The following SOS2 variants were observed in gnomAD, a reference collection of about 807,000 sequenced individuals.
The protein encoded by SOS2 is son of sevenless homolog 2.
A neutral mutation model predicts 148.2 loss-of-function variants in SOS2; 65 were observed. The observed-to-expected ratio is 0.44, with a 90% CI of 0.36 to 0.54. The LOEUF (loss-of-function observed/expected upper bound fraction) is 0.54. SOS2 is among the 20% of genes least tolerant of loss of function. The pLI, the probability that SOS2 is intolerant of heterozygous loss-of-function variation, is 0.00. For synonymous variants in SOS2, 539 were observed against 537.1 expected (o/e 1.00, Z -0.05); for missense variants, 1,341 against 1,590.2 (o/e 0.84, Z 2.67).
rs549503640 is a variant in SOS2 at position 50,189,311 on chromosome 14, C to CAT, written c.511-612_511-611insAT. ...GTATATATGTATACTGTAATACACACACACACACACACATAATAGCAAAAA... is the reference window on the plus strand; with the variant it reads ...GTATATATGTATACTGTAATACACACATACACACACACACATAATAGCAAAAA... On this transcript the variant is annotated intron_variant, in intron 4 of 22. Transcript: ENST00000216373. 5.4e-4 allele frequency among the ~76,000 whole-genome samples: 29 copies of CAT among 53,782 alleles called. 1 individual carries two copies. The East Asian group carries it at 0.014, about 27-fold the overall frequency. 35.3% of individuals were successfully genotyped at this position (53,782 alleles called of 152,430 possible). A position where few individuals can be genotyped will look rare whatever the true frequency, so the allele number is the denominator to read the frequency against.
chr14:50,189,110 CAAATATT>C (rs1468720090), intron 4 of SOS2, among the ~76,000 whole-genome samples: 7 of 148,140 alleles, frequency 4.7e-5, no homozygotes, highest in Non-Finnish European at 7.5e-5. Flanking sequence ...CACGCACACA[CAAATATT>C]ACACAATGAG....
chr14:50,174,757 A>C (rs1282410550), intron 7 of SOS2, among the ~76,000 whole-genome samples: 2 of 152,324 alleles, frequency 1.3e-5, no homozygotes, highest in Non-Finnish European at 2.9e-5. Flanking sequence ...AAATATATAC[A>C]TTAATTTTCT....
chr14:50,184,529 G>A (rs979896131), intron 5 of SOS2, among the ~76,000 whole-genome samples: 1 of 151,954 alleles, frequency 6.6e-6, no homozygotes, highest in Non-Finnish European at 1.5e-5. Context: ...CCTCATGATA[G>A]GGCCAGTCAC....
chr14:50,118,835 C>T lies in SOS2; in HGVS notation c.3508G>A (p.Asp1170Asn), dbSNP rs1237281803. 1.4e-6 allele frequency: 2 copies of T among 1,412,224 alleles called. No homozygotes were observed. The highest frequency in any genetic ancestry group is 3.2e-5 in the African/African-American group (2 of 63,286). 87.5% of individuals were successfully genotyped at this position (1,412,224 alleles called of 1,614,324 possible). A position where few individuals can be genotyped will look rare whatever the true frequency, so the allele number is the denominator to read the frequency against. ...SNSKGNMKSDDDPPAIPPRQP... is the reference protein window; with the variant it reads ...SNSKGNMKSDNDPPAIPPRQP... The stretch of plus-strand genomic sequence containing the variant: ...CTCGGTGGAATAGCAGGAGGATCAT[C>T]ATCAGATTTCATATTTCCCTCAAAA... Residue 1170 changes from aspartate to asparagine, a missense_variant, in exon 23 of 23, where the codon GAT (aspartate) becomes AAT (asparagine). Physicochemically the swap from Asp to Asn is conservative, Grantham distance 23 (BLOSUM62 1). Around this residue, in one of 4 missense-constraint regions of SOS2, gnomAD observed 354 missense variants for 347.7 expected, o/e 1.02. Transcript: ENST00000216373.
chr14:50,128,590 C>A (rs752501038), intron 21 of SOS2, among the ~76,000 whole-genome samples: 3 of 152,128 alleles, frequency 2.0e-5, no homozygotes, highest in Non-Finnish European at 4.4e-5. Context: ...AAGAGGAGAT[C>A]AGTAAACATT....
intron 1 of SOS2, 188 bp downstream of exon 1, chr14:50,231,009 A>G: frequency 1.4e-6 from 1 of 708,674 alleles, no homozygotes; most frequent in Non-Finnish European, 1.9e-6. Context: ...TTCCGGGACC[A>G]GGCAAAAAAA....
chr14:50,145,989 C>G (rs563569148), intron 14 of SOS2, among the ~76,000 whole-genome samples: 1 of 151,738 alleles, frequency 6.6e-6, no homozygotes, highest in African/African-American at 2.4e-5. Context: ...CAAAATTAGC[C>G]GGGCATGGTG....
At chr14:50,176,968 C>T (rs1885540614) in intron 7 of SOS2, among the ~76,000 whole-genome samples, 1 of 152,238 alleles carries the variant, frequency 6.6e-6, no homozygotes, top group South Asian at 2.1e-4. Context: ...CAAGATCGCG[C>T]CACTGCACTC....
chr14:50,219,477 T>C (rs1419252224), intron 1 of SOS2, among the ~76,000 whole-genome samples: 2 of 152,010 alleles, frequency 1.3e-5, no homozygotes, highest in African/African-American at 4.8e-5. Flanking sequence ...GAAAATGCAA[T>C]CGATAATGAC....
intron 4 of SOS2, among the ~76,000 whole-genome samples, chr14:50,192,951 G>C (rs1192151127): frequency 6.6e-6 from 1 of 152,062 alleles, no homozygotes; most frequent in Non-Finnish European, 1.5e-5. Flanking sequence ...TAGATCTGGT[G>C]AACTAAGCTT....
At chr14:50,145,393 T>C in intron 15 of SOS2, 61 bp from the exon 16 acceptor site, 2 of 1,559,582 alleles carry the variant, frequency 1.3e-6, no homozygotes, top group Non-Finnish European at 1.7e-6. Flanking sequence ...GAAAACAAGA[T>C]AATTATGAGT....
At chr14:50,147,910 CAGGAG>C (rs1479236374) in intron 14 of SOS2, among the ~76,000 whole-genome samples, 1 of 150,694 alleles carries the variant, frequency 6.6e-6, no homozygotes, top group African/African-American at 2.4e-5. Flanking sequence ...TGCCTGAGGC[CAGGAG>C]TTCAAGGCCA....
At chr14:50,208,219 C>A (rs950110930) in intron 1 of SOS2, among the ~76,000 whole-genome samples, 7 of 151,634 alleles carry the variant, frequency 4.6e-5, no homozygotes, top group Non-Finnish European at 8.8e-5. Context: ...ATCGCTTGAA[C>A]CCGGGAGGCG....
At chr14:50,202,351 G>C (rs994937691) in intron 2 of SOS2, among the ~76,000 whole-genome samples, 1 of 152,132 alleles carries the variant, frequency 6.6e-6, no homozygotes, top group Non-Finnish European at 1.5e-5. Flanking sequence ...ATTTAGCAGG[G>C]TTTCCTATAT....
chr14:50,192,853 G>A (rs1177375158), intron 4 of SOS2, among the ~76,000 whole-genome samples: 2 of 151,364 alleles, frequency 1.3e-5, no homozygotes, highest in Non-Finnish European at 2.9e-5. Context: ...GAGAGAGTGA[G>A]AGTCTGTCTC....
At chr14:50,215,116 G>A (rs1339795906) in intron 1 of SOS2, among the ~76,000 whole-genome samples, 3 of 151,880 alleles carry the variant, frequency 2.0e-5, no homozygotes, top group South Asian at 2.1e-4. Flanking sequence ...GATTACAGGC[G>A]TGAGCCACCG....
intron 16 of SOS2, 102 bp from the exon 17 acceptor site, chr14:50,140,161 A>C (rs997371512): frequency 5.4e-5 from 33 of 609,674 alleles, no homozygotes; most frequent in Non-Finnish European, 9.2e-5. Flanking sequence ...TATCTGGAAA[A>C]CAATTTTTTT....
intron 18 of SOS2, among the ~76,000 whole-genome samples, chr14:50,136,013 A>G (rs1884067291): frequency 6.6e-6 from 1 of 152,162 alleles, no homozygotes; most frequent in South Asian, 2.1e-4. Context: ...TTTTAGCTTT[A>G]GCAGTAGGCA....
chr14:50,216,087 T>C (rs560370491), intron 1 of SOS2, among the ~76,000 whole-genome samples: 94 of 111,476 alleles, frequency 8.4e-4, no homozygotes, highest in African/African-American at 3.1e-3. Context: ...TATTAAATGT[T>C]TTGGGTTTTT....
Sources: allele counts gnomAD v4.1 joint callset (sites outside exome capture counted in the v4.1 genomes callset), GRCh38; gene constraint gnomAD v4.1.1; regional missense constraint gnomAD v4.1.1; transcripts MANE v1.5; gene names NCBI Gene and HGNC (gene_info 2026-07-23, HGNC 2026-07-21).